Variants in SYNE1 observed in about 807,000 individuals in gnomAD.
SYNE1 encodes the protein spectrin repeat containing nuclear envelope protein 1.
In SYNE1, 616 loss-of-function variants were observed where a neutral mutation model predicts 1,111.0. That is an observed-to-expected ratio of 0.55 (90% confidence interval 0.52 to 0.59). The LOEUF is 0.59. Ranked by LOEUF, SYNE1 falls within the 20% of genes least tolerant of loss-of-function variation. The probability of loss-of-function intolerance (pLI) is 0.00; values close to 1 mark genes in which losing one functional copy is unlikely to be tolerated. For missense variants in SYNE1, 10,006 were observed against 10,417.0 expected (o/e 0.96, Z 1.72); for synonymous variants, 3,855 against 3,825.8 (o/e 1.01, Z -0.28).
intron 98 of SYNE1, among the ~76,000 whole-genome samples, chr6:152,276,510 GA>G (rs879767527): frequency 8.3e-4 from 123 of 147,678 alleles, no homozygotes; most frequent in Middle Eastern, 3.4e-3. Context: ...GCAAAAAGCC[GA>G]AAAAAAAAAT....
intron 118 of SYNE1, 116 bp from the exon 119 acceptor site, chr6:152,221,162 G>C: frequency 8.3e-7 from 1 of 1,203,812 alleles, no homozygotes; most frequent in Non-Finnish European, 1.2e-6. Flanking sequence ...ATCATTTCTA[G>C]TTAACATAAT....
intron 59 of SYNE1, 115 bp downstream of exon 59, chr6:152,372,922 G>C (rs1563473178): frequency 8.8e-7 from 1 of 1,135,792 alleles, no homozygotes; most frequent in Non-Finnish European, 1.3e-6. Flanking sequence ...TGTTCTGAGA[G>C]GGGTAACCAA....
At chr6:152,343,530 T>C (rs947203099) in intron 74 of SYNE1, among the ~76,000 whole-genome samples, 1 of 151,310 alleles carries the variant, frequency 6.6e-6, no homozygotes, top group African/African-American at 2.4e-5. Context: ...TTTTTTATTT[T>C]TATTTTTTAA....
chr6:152,393,544 C>G (rs1294632297), intron 51 of SYNE1, among the ~76,000 whole-genome samples: 3 of 151,498 alleles, frequency 2.0e-5, no homozygotes, highest in Non-Finnish European at 4.4e-5. Flanking sequence ...TGATATAGAT[C>G]TTAAGTCACT....
intron 3 of SYNE1, among the ~76,000 whole-genome samples, chr6:152,563,009 T>C (rs2099399895): frequency 6.6e-6 from 1 of 152,044 alleles, no homozygotes; most frequent in Non-Finnish European, 1.5e-5. Context: ...ATTCATCTTT[T>C]GGTACGAAGT....
chr6:152,221,712 G>A (rs1022970154), intron 117 of SYNE1, among the ~76,000 whole-genome samples, 153 bp from the exon 118 acceptor site: 3 of 152,168 alleles, frequency 2.0e-5, no homozygotes, highest in Admixed American at 2.0e-4. Flanking sequence ...GCTTTCTTTA[G>A]ATAATCATTT....
chr6:152,596,756 T>C (rs2099583084), intron 3 of SYNE1, among the ~76,000 whole-genome samples: 1 of 152,214 alleles, frequency 6.6e-6, no homozygotes, highest in Admixed American at 6.5e-5. Flanking sequence ...AACAACATGT[T>C]TAAAAATTAA....
intron 72 of SYNE1, 132 bp from the exon 73 acceptor site, chr6:152,347,367 T>A: frequency 9.2e-7 from 1 of 1,087,014 alleles, no homozygotes; most frequent in Non-Finnish European, 1.3e-6. Context: ...CTTAGTTATA[T>A]ATTAAATGAA....
intron 145 of SYNE1, chr6:152,128,161 A>G (rs908210265): frequency 5.3e-5 from 8 of 152,236 alleles, no homozygotes; most frequent in Admixed American, 3.9e-4. Flanking sequence ...CGATAAGGTT[A>G]GAAAATTTTA....
chr6:152,464,034 A>G (rs943739040), intron 18 of SYNE1, among the ~76,000 whole-genome samples: 6 of 152,210 alleles, frequency 3.9e-5, no homozygotes, highest in Non-Finnish European at 7.4e-5. Flanking sequence ...TTTCTTTTTG[A>G]CCTGCTACTT....
At position 152,371,840 on chromosome 6, in the gene SYNE1, CAGGACAGGAAAGGAAAGGAA is replaced by C. The variant is rs1440575294; in HGVS notation, c.9507+1177_9507+1196del. Among the ~76,000 whole-genome samples the C allele has an allele frequency of 4.0e-3, 226 of 56,868 alleles. 5 individuals are homozygous for C. The highest frequency in any genetic ancestry group is 0.014 in the African/African-American group (207 of 15,082). The allele number at this position is 56,868 out of a possible 152,430, so 37.3% of individuals were successfully genotyped here. ...AAGGACAGGAAAGGACAGGACAGGA[CAGGACAGGAAAGGAAAGGAA>C]AGGAAAGGAAAGGAAAGGAAAGGAA... On this transcript the variant is annotated intron_variant, in intron 59 of 145. Transcript: ENST00000367255.
At chr6:152,273,627 T>C (rs181518050) in intron 98 of SYNE1, among the ~76,000 whole-genome samples, 110 of 152,382 alleles carry the variant, frequency 7.2e-4, no homozygotes, top group African/African-American at 2.6e-3. Flanking sequence ...CAAATTATTT[T>C]AAAATTTTAG....
chr6:152,145,671 G>C, intron 137 of SYNE1: 1 of 873,898 alleles, frequency 1.1e-6, no homozygotes, highest in South Asian at 1.4e-5. Flanking sequence ...TAGACACATA[G>C]CTCCTGAGCG....
intron 134 of SYNE1, 42 bp downstream of exon 134, chr6:152,151,917 C>A: frequency 6.2e-7 from 1 of 1,608,172 alleles, no homozygotes; most frequent in South Asian, 1.1e-5. Flanking sequence ...GGCCCAGTCC[C>A]ATCCTCTGGC....
At chr6:152,325,018 C>T (rs2096018091) in intron 81 of SYNE1, 66 bp downstream of exon 81, 4 of 1,575,460 alleles carry the variant, frequency 2.5e-6, no homozygotes, top group Middle Eastern at 2.2e-4. Context: ...GGGCAAAATA[C>T]TGTGTTTCAA....
chr6:152,226,924 A>G (rs146459644), intron 115 of SYNE1, among the ~76,000 whole-genome samples: 188 of 152,308 alleles, frequency 1.2e-3, no homozygotes, highest in African/African-American at 4.4e-3. Context: ...TACCCTCAGA[A>G]CTAAAAGCAG....
At position 152,148,058 on chromosome 6, in the gene SYNE1, A is replaced by G. The variant is rs774472519; in HGVS notation, c.24963T>C (p.Ala8321=). The change falls in exon 137 of 146, where the codon GCT becomes GCC. Residue 8321 remains alanine (A), a synonymous_variant. Coordinates refer to ENST00000367255, the MANE Select transcript of SYNE1 (RefSeq NM_182961.4). This position sits in a 1 kb window ranked among gnomAD's most constrained non-coding sequence, Gnocchi z 4.1. ...QDDKDFYLRG[A]VGLSGDHSAL... ...GCTCTTTCCTACCTGATAAGCCAAC[A>G]GCTCCCCGGAGGTAGAAATCTTTGT... is the stretch of plus-strand genomic sequence containing the variant. The G allele has an allele frequency of 1.2e-6, 2 of 1,614,046 alleles. No individual in the cohort carries two copies. Among genetic ancestry groups the G allele is most frequent in the Non-Finnish European group, 1.7e-6 (2 of 1,180,010 alleles).
chr6:152,376,896 A>G lies in SYNE1; in HGVS notation c.9026T>C (p.Leu3009Ser). The change falls in exon 57 of 146, where the codon TTG becomes TCG. Residue 3009 changes from leucine (L) to serine (S), a missense_variant. Around this residue, in one of 7 missense-constraint regions of SYNE1, gnomAD observed 4,955 missense variants for 5,017.2 expected, o/e 0.99. Coordinates refer to ENST00000367255, the MANE Select transcript of SYNE1 (RefSeq NM_182961.4). The part of the protein sequence containing the change: ...WHKGQEILDA[L>S]QKAEPRTEDL... ...CTCTGTTCTAGGCTCTGCTTTTTGC[A>G]AAGCATCCAGTATCTCCTGTTCAGA... 1.2e-6 allele frequency: 2 copies of G among 1,614,002 alleles called. No individual in the cohort carries two copies. Among genetic ancestry groups the G allele is most frequent in the Non-Finnish European group, 1.7e-6 (2 of 1,179,998 alleles).
At chr6:152,356,404 C>T (rs973297834) in intron 66 of SYNE1, among the ~76,000 whole-genome samples, 2 of 149,456 alleles carry the variant, frequency 1.3e-5, no homozygotes, top group East Asian at 3.9e-4. Flanking sequence ...TCCCAAATTT[C>T]AAGTCTGTAT....
Sources: gnomAD v4.1 joint callset for allele counts (sites outside exome capture counted in the v4.1 genomes callset) on GRCh38, gnomAD v4.1.1 for gene constraint, gnomAD v4.1.1 regional missense constraint, Gnocchi (gnomAD v3.1) non-coding constraint, MANE v1.5 for transcripts, NCBI Gene and HGNC (gene_info 2026-07-23, HGNC 2026-07-21) for gene names.